The following OCA2 variants were observed in gnomAD, a reference collection of about 807,000 sequenced individuals.
The protein encoded by OCA2 is P protein.
Under a neutral mutation model 100.2 loss-of-function variants are expected in OCA2, and 77 were observed. That is an observed-to-expected ratio of 0.77 (90% CI 0.64 to 0.93). The LOEUF (loss-of-function observed/expected upper bound fraction) is 0.93, where lower values mean the gene tolerates loss of function less well. Among genes scored for constraint, OCA2 ranks in the 40% least tolerant of loss-of-function variants. The pLI is 0.00. For missense variants in OCA2, 1,062 were observed against 1,089.1 expected, an observed-to-expected ratio of 0.98 and a Z score of 0.35; for synonymous variants, 432 against 439.2, an observed-to-expected ratio of 0.98 and a Z score of 0.21.
At chr15:27,863,460 G>A (rs2036210428) in intron 21 of OCA2, among the ~76,000 whole-genome samples, 2 of 152,276 alleles carry the variant, frequency 1.3e-5, no homozygotes, top group Admixed American at 1.3e-4. Flanking sequence ...ATGCCAATGT[G>A]TGGAGTGGGT....
intron 21 of OCA2, among the ~76,000 whole-genome samples, chr15:27,856,783 G>A (rs2035965171): frequency 6.6e-6 from 1 of 151,838 alleles, no homozygotes; most frequent in Non-Finnish European, 1.5e-5. Context: ...TCTACTAGTT[G>A]ACTATAGAGA....
chr15:27,910,488 T>C (rs946520129), intron 19 of OCA2, among the ~76,000 whole-genome samples: 1 of 152,102 alleles, frequency 6.6e-6, no homozygotes, highest in Admixed American at 6.5e-5. Flanking sequence ...GGGTACTATA[T>C]AGTTATAAAA....
intron 23 of OCA2, among the ~76,000 whole-genome samples, chr15:27,780,486 C>G (rs1004987838): frequency 1.3e-5 from 2 of 152,188 alleles, no homozygotes; most frequent in African/African-American, 4.8e-5. Flanking sequence ...GGAAGAGACA[C>G]CCAGAGGCTC....
intron 14 of OCA2, among the ~76,000 whole-genome samples, chr15:27,974,989 A>T (rs2040920695): frequency 6.6e-6 from 1 of 152,196 alleles, no homozygotes; most frequent in Admixed American, 6.5e-5. Context: ...TGGATATCTT[A>T]AAAAGGCTCG....
At chr15:27,771,531 G>A (rs2031865905) in intron 23 of OCA2, among the ~76,000 whole-genome samples, 1 of 152,244 alleles carries the variant, frequency 6.6e-6, no homozygotes, top group Non-Finnish European at 1.5e-5. Flanking sequence ...GGTGGCTGCA[G>A]GGGTGACTTT....
intron 1 of OCA2, among the ~76,000 whole-genome samples, chr15:28,096,205 G>T (rs536719158): frequency 1.3e-5 from 2 of 151,020 alleles, no homozygotes; most frequent in South Asian, 2.1e-4. Flanking sequence ...GTCTCTGGGG[G>T]CATGGCTTGT....
At chr15:27,884,119 C>CA (rs1280000172) in intron 19 of OCA2, among the ~76,000 whole-genome samples, 3 of 152,198 alleles carry the variant, frequency 2.0e-5, no homozygotes, top group Non-Finnish European at 4.4e-5. Context: ...TGGTGACTCA[C>CA]ACTTGTAATC....
At chr15:27,923,656 C>A (rs181427085) in intron 19 of OCA2, among the ~76,000 whole-genome samples, 167 of 152,300 alleles carry the variant, frequency 1.1e-3, no homozygotes, top group Middle Eastern at 3.4e-3. Context: ...GCGTGTATGT[C>A]TTCTTTTGAA....
chr15:27,726,839 G>C, the OCA2 span, among the ~76,000 whole-genome samples: 8 of 152,204 alleles, frequency 5.3e-5, no homozygotes, highest in African/African-American at 1.9e-4. Context: ...AATGTTCTTC[G>C]TCTCTCTCAG....
chr15:28,077,341 G>A (rs1020427788), intron 2 of OCA2, among the ~76,000 whole-genome samples: 14 of 152,188 alleles, frequency 9.2e-5, no homozygotes, highest in African/African-American at 3.4e-4. Context: ...TTACAGGCAT[G>A]AGCCACCGCA....
Position 28,049,041 on chromosome 15 carries a change from C to T in OCA2, c.228-16878G>A, listed in dbSNP as rs7172070. Reference sequence around the variant, plus strand: ...AAAAGACATTCTCAAGAAAGTGAAACGACAACCTATGGAATTAAAGAAATT... The same window carrying T: ...AAAAGACATTCTCAAGAAAGTGAAATGACAACCTATGGAATTAAAGAAATT... On this transcript the variant is annotated intron_variant, in intron 2 of 23. Coordinates refer to ENST00000354638, the MANE Select transcript of OCA2 (RefSeq NM_000275.3). Among the ~76,000 whole-genome samples the T allele has an allele frequency of 3.0e-3, 449 of 152,170 alleles. 3 individuals carry two copies. The highest frequency in any genetic ancestry group is 0.011 in the South Asian group (53 of 4,812).
chr15:27,757,990 C>T (rs2150980960), intron 23 of OCA2, among the ~76,000 whole-genome samples: 2 of 152,318 alleles, frequency 1.3e-5, no homozygotes, highest in Middle Eastern at 6.8e-3. Context: ...ATAAAGCAGG[C>T]TTCTAGTTCT....
At chr15:27,986,822 T>C (rs1331337914) in intron 11 of OCA2, among the ~76,000 whole-genome samples, 179 bp from the exon 12 acceptor site, 1 of 152,166 alleles carries the variant, frequency 6.6e-6, no homozygotes, top group Non-Finnish European at 1.5e-5. Flanking sequence ...CACTCACTCC[T>C]TGAATGGAGC....
rs560772058 is a variant in OCA2, at chr15:27,989,534, T to C, written c.1182+67A>G. On this transcript the variant is annotated intron_variant, in intron 11 of 23. Coordinates refer to ENST00000354638, the MANE Select transcript of OCA2 (RefSeq NM_000275.3). ...TAACATAATGAAGGACCCTCAGCGG[T>C]GGAGGCCAGAGAAGGCCCGGTTACC... 3.1e-5 allele frequency: 40 copies of C among 1,300,918 alleles called. No homozygotes were observed. The East Asian group carries it at 8.8e-4, about 29-fold the overall frequency. The allele number at this position is 1,300,918 out of a possible 1,614,324, so 80.6% of individuals were successfully genotyped here.
intron 19 of OCA2, among the ~76,000 whole-genome samples, chr15:27,908,235 A>C (rs1467102946): frequency 1.3e-5 from 2 of 152,208 alleles, no homozygotes; most frequent in African/African-American, 4.8e-5. Context: ...TAGGAAATTC[A>C]TTAGTACCAT....
chr15:27,862,121 C>G (rs1018638491), intron 21 of OCA2, among the ~76,000 whole-genome samples: 2 of 152,072 alleles, frequency 1.3e-5, no homozygotes, highest in African/African-American at 2.4e-5. Context: ...AGACAGAAAG[C>G]GTGATCGTCA....
At chr15:28,026,618 A>T (rs935922272) in intron 4 of OCA2, among the ~76,000 whole-genome samples, 2 of 152,180 alleles carry the variant, frequency 1.3e-5, no homozygotes, top group African/African-American at 4.8e-5. Context: ...GGCTTGGCTC[A>T]GTGTGGCCTT....
At chr15:27,898,943 T>C (rs2037815954) in intron 19 of OCA2, among the ~76,000 whole-genome samples, 1 of 152,186 alleles carries the variant, frequency 6.6e-6, no homozygotes, top group African/African-American at 2.4e-5. Context: ...AGGAACACTT[T>C]CCAACTCATT....
intron 19 of OCA2, among the ~76,000 whole-genome samples, chr15:27,877,145 T>C (rs1281896818): frequency 6.6e-6 from 1 of 151,974 alleles, no homozygotes; most frequent in Non-Finnish European, 1.5e-5. Context: ...ATGATTTAAC[T>C]AGAAGTGTAT....
Sources: gnomAD v4.1 joint callset for allele counts (sites outside exome capture counted in the v4.1 genomes callset) on GRCh38, gnomAD v4.1.1 for gene constraint, MANE v1.5 for transcripts, NCBI Gene and HGNC (gene_info 2026-07-23, HGNC 2026-07-21) for gene names.